ARID3A: variants seen among roughly 807,000 people sequenced by gnomAD.
The protein encoded by ARID3A is AT-rich interactive domain-containing protein 3A.
In ARID3A, 11 loss-of-function variants were observed where a neutral mutation model predicts 52.7. That is an observed-to-expected ratio of 0.21 (90% CI 0.13 to 0.35). The LOEUF is 0.35. Among genes scored for constraint, ARID3A ranks in the 10% least tolerant of loss-of-function variants. The pLI, the probability that ARID3A is intolerant of heterozygous loss-of-function variation, is 1.00. For missense variants in ARID3A, 721 were observed against 838.5 expected (o/e 0.86, Z 1.73); for synonymous variants, 404 against 359.4 (o/e 1.12, Z -1.40).
Position 964,576 on chromosome 19 carries a change from C to A in ARID3A, c.950+145C>A. On this transcript the variant is annotated intron_variant, in intron 5 of 8. Coordinates refer to ENST00000263620, the MANE Select transcript of ARID3A (RefSeq NM_005224.3). The surrounding 1 kb of genome is among the most constrained non-coding windows in gnomAD (Gnocchi z 5.7). ...GCAAAGGGCACAGGGCCACACCGTG[C>A]GTCCAGGGCCCGAGAGCGTCAAGTA... 3 of 1,250,734 alleles carry A rather than the reference C, an allele frequency of 2.4e-6. No homozygotes were observed. Among genetic ancestry groups the A allele is most frequent in the Non-Finnish European group, 3.2e-6 (3 of 925,874 alleles). 77.5% of individuals were successfully genotyped at this position (1,250,734 alleles called of 1,614,324 possible).
At chr19:950,574 G>A (rs1348876680) in intron 3 of ARID3A, among the ~76,000 whole-genome samples, 1 of 152,180 alleles carries the variant, frequency 6.6e-6, no homozygotes, top group Non-Finnish European at 1.5e-5. Flanking sequence ...CGTGGGGACC[G>A]GCAGGCAGGC....
chr19:926,437 T>G (rs2037200759), intron 1 of ARID3A, among the ~76,000 whole-genome samples: 2 of 148,572 alleles, frequency 1.3e-5, no homozygotes, highest in African/African-American at 5.0e-5. Context: ...CGATCGGGGG[T>G]CGCGAGTGCG....
In ARID3A at chr19:960,073, C is replaced by T. The variant is rs1240761788; in HGVS notation, c.694-19C>T. 1.9e-6 allele frequency: 3 copies of T among 1,608,070 alleles called. No homozygotes were observed. In the African/African-American group the frequency reaches 4.0e-5, roughly 22 times the overall value. ...TGAGCTCTGGCACCAACTAACCCAT[C>T]CCCTCTCCACCCTCACAGCTCTACG... is the stretch of plus-strand genomic sequence containing the variant. On this transcript the variant is annotated intron_variant, in intron 3 of 8. Transcript: ENST00000263620. The surrounding 1 kb of genome is among the most constrained non-coding windows in gnomAD (Gnocchi z 4.3).
rs572394605 is a variant in ARID3A, at chr19:959,839, T to C, written c.694-253T>C. On this transcript the variant is annotated intron_variant, in intron 3 of 8. Coordinates refer to ENST00000263620, the MANE Select transcript of ARID3A (RefSeq NM_005224.3). The surrounding 1 kb of genome is among the most constrained non-coding windows in gnomAD (Gnocchi z 5.0). Reference sequence around the variant, plus strand: ...CCCTGGACCGGGAGAGGACACTGTCTTGTCCCAGGCCACCTGGTTTCTGGT... The same window carrying C: ...CCCTGGACCGGGAGAGGACACTGTCCTGTCCCAGGCCACCTGGTTTCTGGT... Among the ~76,000 whole-genome samples the C allele has an allele frequency of 9.9e-5, 15 of 152,274 alleles. No individual in the cohort carries two copies. The highest frequency in any genetic ancestry group is 3.4e-4 in the African/African-American group (14 of 41,552).
At chr19:926,147 A>G (rs1221882537) in intron 1 of ARID3A, 88 bp downstream of exon 1, 1 of 148,026 alleles carries the variant, frequency 6.8e-6, no homozygotes, top group Non-Finnish European at 1.5e-5. Flanking sequence ...GGGCCCGGGC[A>G]GGCCGACCCC....
intron 3 of ARID3A, among the ~76,000 whole-genome samples, chr19:951,265 G>A (rs977273808): frequency 2.0e-5 from 3 of 148,362 alleles, no homozygotes; most frequent in African/African-American, 7.4e-5. Flanking sequence ...CCTTTTATAA[G>A]ATCTTTTAAG....
At chr19:952,556 G>A (rs1038220806) in intron 3 of ARID3A, among the ~76,000 whole-genome samples, 24 of 152,024 alleles carry the variant, frequency 1.6e-4, no homozygotes, top group African/African-American at 5.8e-4. Context: ...CCTCCTGGAG[G>A]CTCAGGGCTC....
chr19:948,974 A>G (rs993152579), intron 3 of ARID3A, among the ~76,000 whole-genome samples: 3 of 151,592 alleles, frequency 2.0e-5, no homozygotes, highest in East Asian at 1.9e-4. Flanking sequence ...CTCCCAAAGT[A>G]CTGGGATTAT....
chr19:949,370 A>G (rs2037756983), intron 3 of ARID3A, among the ~76,000 whole-genome samples: 1 of 151,728 alleles, frequency 6.6e-6, no homozygotes, highest in Non-Finnish European at 1.5e-5. Context: ...GCCGTGCCAG[A>G]TAGCAGGATC....
chr19:951,292 C>T (rs1057292288), intron 3 of ARID3A, among the ~76,000 whole-genome samples: 2 of 150,892 alleles, frequency 1.3e-5, no homozygotes, highest in East Asian at 2.1e-4. Flanking sequence ...CGCGGTGGCT[C>T]ATGCCTGTAA....
chr19:929,808 G>A lies in ARID3A; in HGVS notation c.280G>A (p.Ala94Thr). 1 of 1,546,168 alleles carries A rather than the reference G, an allele frequency of 6.5e-7. No individual in the cohort carries two copies. ...CCCAGGCTCGGAGGAGGAGGACGCGGCCCGGGAGGGGACACCGGGCTCACC... is the reference window on the plus strand; with the variant it reads ...CCCAGGCTCGGAGGAGGAGGACGCGACCCGGGAGGGGACACCGGGCTCACC... ...GPPGSEEEDA[A>T]REGTPGSPGR... Residue 94 changes from alanine (A) to threonine (T), a missense_variant, in exon 2 of 9, where the codon GCC (alanine) becomes ACC (threonine). Coordinates refer to ENST00000263620, the MANE Select transcript of ARID3A (RefSeq NM_005224.3). The surrounding 1 kb of genome is among the most constrained non-coding windows in gnomAD (Gnocchi z 6.2).
chr19:967,024 G>A (rs2038173066), intron 7 of ARID3A, among the ~76,000 whole-genome samples, 156 bp downstream of exon 7: 1 of 152,176 alleles, frequency 6.6e-6, no homozygotes, highest in African/African-American at 2.4e-5. Flanking sequence ...TTGGGAGACC[G>A]AGGTGGGTGG....
Position 947,214 on chromosome 19 carries a change from G to C in ARID3A, c.694-12878G>C, listed in dbSNP as rs1408314718. ...CTGCCGTCAGCCCAGATCTGTGTCT[G>C]TGTCTGCATCTGTGAAACGGGTTTC... is the stretch of plus-strand genomic sequence containing the variant. On this transcript the variant is annotated intron_variant, in intron 3 of 8. Transcript: ENST00000263620. The surrounding 1 kb of genome is among the most constrained non-coding windows in gnomAD (Gnocchi z 6.3). Among the ~76,000 whole-genome samples the C allele has an allele frequency of 6.6e-6, 1 of 152,198 alleles. No individual in the cohort carries two copies. Among genetic ancestry groups the C allele is most frequent in the Non-Finnish European group, 1.5e-5 (1 of 68,032 alleles).
chr19:954,261 C>T (rs149710225), intron 3 of ARID3A, among the ~76,000 whole-genome samples: 7 of 152,312 alleles, frequency 4.6e-5, no homozygotes, highest in Non-Finnish European at 7.4e-5. Context: ...TGGCTCCACG[C>T]GCTCTGTGCC....
intron 3 of ARID3A, among the ~76,000 whole-genome samples, chr19:940,221 C>T (rs952272910): frequency 1.6e-4 from 25 of 152,218 alleles, no homozygotes; most frequent in African/African-American, 5.3e-4. Flanking sequence ...TTTGGCTTCC[C>T]TGGGCTACAT....
At chr19:962,820 C>A (rs1363760840) in intron 4 of ARID3A, among the ~76,000 whole-genome samples, 1 of 152,114 alleles carries the variant, frequency 6.6e-6, no homozygotes, top group Admixed American at 6.6e-5. Flanking sequence ...CGGCCTGATG[C>A]CGTTACTTTT....
At chr19:968,370 GAAAA>G in intron 7 of ARID3A, 31 bp from the exon 8 acceptor site, 3 of 1,532,340 alleles carry the variant, frequency 2.0e-6, no homozygotes, top group African/African-American at 2.8e-5. Flanking sequence ...AAAAAAAAAA[GAAAA>G]AAAGAAACTA....
intron 2 of ARID3A, among the ~76,000 whole-genome samples, chr19:931,907 G>A (rs1040971123): frequency 3.9e-5 from 6 of 152,140 alleles, no homozygotes; most frequent in African/African-American, 7.2e-5. Context: ...TTCAGATGGC[G>A]GTGGGAGAAT....
At chr19:969,612 GAT>G (rs1247247582) in intron 8 of ARID3A, among the ~76,000 whole-genome samples, 3 of 150,788 alleles carry the variant, frequency 2.0e-5, no homozygotes, top group African/African-American at 7.3e-5. Context: ...ATATAGATTA[GAT>G]ATAGATTTAT....
Sources: gnomAD v4.1 joint callset for allele counts (sites outside exome capture counted in the v4.1 genomes callset) on GRCh38, gnomAD v4.1.1 for gene constraint, Gnocchi (gnomAD v3.1) non-coding constraint, MANE v1.5 for transcripts, NCBI Gene and HGNC (gene_info 2026-07-23, HGNC 2026-07-21) for gene names.